Variants in IL19 observed in about 807,000 individuals in gnomAD.
The protein encoded by IL19 is interleukin 19, also known as interleukin-19.
A neutral mutation model predicts 19.5 loss-of-function variants in IL19; 15 were observed. The observed-to-expected ratio is 0.77, with a 90% CI of 0.52 to 1.19. IL19 has a LOEUF of 1.19. Among genes scored for constraint, IL19 ranks in the 50% most tolerant of loss-of-function variants. The pLI, the probability that IL19 is intolerant of heterozygous loss-of-function variation, is 0.00. For missense variants in IL19, 199 were observed against 213.1 expected (o/e 0.93, Z 0.41); for synonymous variants, 78 against 78.3 (o/e 1.00, Z 0.02).
rs997527969 is a variant in IL19, at chr1:206,839,784, G to C, written c.211-66G>C. On this transcript the variant is annotated intron_variant, in intron 4 of 6. Transcript: ENST00000659997. ...ATGTGTCGCTGCCCCTACTCAAATG[G>C]ACTGCCCTGGTCTCCAACATAATGA... The C allele has an allele frequency of 8.4e-6, 12 of 1,425,654 alleles. No individual in the cohort carries two copies. The Admixed American group carries it at 2.6e-4, about 31-fold the overall frequency. The allele number at this position is 1,425,654 out of a possible 1,614,324, so 88.3% of individuals were successfully genotyped here.
chr1:206,812,259 C>T (rs1227662789), intron 2 of IL19, among the ~76,000 whole-genome samples: 1 of 152,218 alleles, frequency 6.6e-6, no homozygotes, highest in Non-Finnish European at 1.5e-5. Context: ...CACACTCTCA[C>T]ATCTCATAGC....
chr1:206,804,641 G>A (rs1257254498), intron 2 of IL19, among the ~76,000 whole-genome samples: 1 of 152,198 alleles, frequency 6.6e-6, no homozygotes, highest in East Asian at 1.9e-4. Context: ...AAGTGTTTCT[G>A]ACCAGAGATG....
At chr1:206,778,794 A>T (rs1675066724) in intron 1 of IL19, among the ~76,000 whole-genome samples, 3 of 152,178 alleles carry the variant, frequency 2.0e-5, no homozygotes, top group Admixed American at 2.0e-4. Context: ...TTAACTCTAG[A>T]AATGATTTGT....
intron 2 of IL19, among the ~76,000 whole-genome samples, chr1:206,831,617 C>T (rs951444674): frequency 7.2e-5 from 11 of 152,292 alleles, no homozygotes; most frequent in South Asian, 6.2e-4. Flanking sequence ...GCTTATTATG[C>T]GCCAGGTACT....
intron 2 of IL19, among the ~76,000 whole-genome samples, chr1:206,799,261 C>T (rs188547005): frequency 6.6e-6 from 1 of 152,162 alleles, no homozygotes; most frequent in African/African-American, 2.4e-5. Context: ...TAAACCATAT[C>T]TGCATACCCC....
chr1:206,806,746 C>T (rs1481673529), intron 2 of IL19, among the ~76,000 whole-genome samples: 2 of 152,162 alleles, frequency 1.3e-5, no homozygotes, highest in African/African-American at 2.4e-5. Flanking sequence ...AATCTGGTAT[C>T]GTGTTAGTCC....
In IL19 at chr1:206,770,924, G is replaced by A. The variant is rs1162694380; in HGVS notation, c.-303G>A. The stretch of plus-strand genomic sequence containing the variant: ...CTACTTACACAGCGCCGTAGCCTCA[G>A]CCTGAGGGTCTTCAGGTTCTCCCCC... On this transcript the variant is annotated 5_prime_UTR_variant, in exon 1 of 7. Coordinates refer to ENST00000659997, the MANE Select transcript of IL19 (RefSeq NM_153758.5). 6.2e-7 allele frequency: 1 copy of A among 1,614,134 alleles called. No homozygotes were observed.
intron 2 of IL19, among the ~76,000 whole-genome samples, chr1:206,832,628 C>T (rs538571744): frequency 6.6e-6 from 1 of 152,132 alleles, no homozygotes; most frequent in South Asian, 2.1e-4. Flanking sequence ...TGATAAACTC[C>T]CCATCTCCAT....
At chr1:206,788,814 C>T (rs147580817) in intron 1 of IL19, among the ~76,000 whole-genome samples, 236 of 152,318 alleles carry the variant, frequency 1.5e-3, no homozygotes, top group African/African-American at 5.5e-3. Context: ...GATTCCATAG[C>T]GGTTTCTCTT....
chr1:206,833,778 G>A (rs1442751543), intron 2 of IL19: 2 of 985,450 alleles, frequency 2.0e-6, no homozygotes, highest in Non-Finnish European at 2.4e-6. Flanking sequence ...AAGATGAAGG[G>A]GAAATAGATG....
intron 1 of IL19, among the ~76,000 whole-genome samples, chr1:206,795,745 G>A (rs1030257634): frequency 6.6e-6 from 1 of 152,088 alleles, no homozygotes; most frequent in African/African-American, 2.4e-5. Flanking sequence ...CTGCCCTCAA[G>A]TTATCCCCCA....
At chr1:206,806,878 T>A (rs1480608422) in intron 2 of IL19, among the ~76,000 whole-genome samples, 1 of 152,220 alleles carries the variant, frequency 6.6e-6, no homozygotes, top group African/African-American at 2.4e-5. Flanking sequence ...AACCAGATCA[T>A]GTCACTTCCT....
intron 2 of IL19, among the ~76,000 whole-genome samples, chr1:206,819,577 G>A (rs926286549): frequency 8.7e-5 from 6 of 68,632 alleles, no homozygotes; most frequent in East Asian, 8.0e-4. Flanking sequence ...GCAAGACTCC[G>A]TCTAAAAAAA....
intron 1 of IL19, chr1:206,771,466 A>G: frequency 1.4e-6 from 2 of 1,452,744 alleles, no homozygotes; most frequent in East Asian, 2.4e-5. Flanking sequence ...GAAATAACTG[A>G]AATGCGGTCT....
At chr1:206,805,680 A>G (rs1006120470) in intron 2 of IL19, among the ~76,000 whole-genome samples, 6 of 152,276 alleles carry the variant, frequency 3.9e-5, no homozygotes, top group Non-Finnish European at 8.8e-5. Flanking sequence ...GAAAGAATAG[A>G]GTAAACGTGA....
At chr1:206,834,037 C>T (rs1676700659) in intron 2 of IL19, 4 of 985,344 alleles carry the variant, frequency 4.1e-6, no homozygotes, top group South Asian at 4.7e-5. Context: ...TGGTAACGTG[C>T]CACAGCTCTC....
intron 2 of IL19, among the ~76,000 whole-genome samples, chr1:206,831,590 A>G (rs1035614948): frequency 1.3e-5 from 2 of 152,196 alleles, no homozygotes; most frequent in Non-Finnish European, 2.9e-5. Flanking sequence ...ATTGATAATA[A>G]ATGTCATTTT....
chr1:206,794,423 C>T (rs1675473585), intron 1 of IL19, among the ~76,000 whole-genome samples: 1 of 152,134 alleles, frequency 6.6e-6, no homozygotes, highest in Admixed American at 6.5e-5. Context: ...CCCACACATT[C>T]ACTGATTCCC....
chr1:206,772,222 T>TC, intron 1 of IL19: 1 of 1,547,002 alleles, frequency 6.5e-7, no homozygotes, highest in Non-Finnish European at 8.9e-7. Flanking sequence ...GAATGTCTAG[T>TC]TCAGGCAGTC....
Sources: allele counts gnomAD v4.1 joint callset (sites outside exome capture counted in the v4.1 genomes callset), GRCh38; gene constraint gnomAD v4.1.1; transcripts MANE v1.5; gene names NCBI Gene and HGNC (gene_info 2026-07-23, HGNC 2026-07-21).